ZNF705B: variants seen among roughly 807,000 people sequenced by gnomAD.
The protein encoded by ZNF705B is Putative zinc finger protein 705D-like protein LOC100132396.
Under a neutral mutation model 10.5 loss-of-function variants are expected in ZNF705B, and 1 was observed. The ratio of observed to expected loss-of-function variants is 0.10; its 90% CI spans 0.03 to 0.45. ZNF705B has a LOEUF of 0.45. ZNF705B is among the 20% of genes least tolerant of loss of function. The pLI is 0.97. For missense variants in ZNF705B, 14 were observed against 84.0 expected (o/e 0.17, Z 3.26); for synonymous variants, 4 against 25.4 (o/e 0.16, Z 2.53).
chr8:7,929,689 G>A (rs113569202), intron 1 of ZNF705B, among the ~76,000 whole-genome samples: 10,393 of 113,888 alleles, frequency 0.091, 1,553 homozygotes, highest in Middle Eastern at 0.23. Flanking sequence ...AATTGTTGTC[G>A]TTGTTGTTGT....
At chr8:7,940,654 G>A (rs2739920) in intron 2 of ZNF705B, among the ~76,000 whole-genome samples, 17 of 142,786 alleles carry the variant, frequency 1.2e-4, no homozygotes, top group South Asian at 2.3e-4. Context: ...TGAGTTTGTC[G>A]ATTTTAGATT....
At chr8:7,931,113 A>G (rs1405015083) in intron 2 of ZNF705B, among the ~76,000 whole-genome samples, 11 of 121,000 alleles carry the variant, frequency 9.1e-5, no homozygotes, top group African/African-American at 2.8e-4. Flanking sequence ...TCAGCCTTCC[A>G]AAGTGCTAGG....
At chr8:7,931,415 G>A (rs1441048527) in intron 2 of ZNF705B, among the ~76,000 whole-genome samples, 2 of 121,706 alleles carry the variant, frequency 1.6e-5, no homozygotes, top group South Asian at 5.5e-4. Context: ...GAGACACACA[G>A]GTACTTGATG....
chr8:7,930,437 G>T lies in ZNF705B; in HGVS notation c.-72+1G>T, dbSNP rs1460461276. 1.3e-5 allele frequency: 1 copy of T among 76,780 alleles called. No homozygotes were observed. The highest frequency in any genetic ancestry group is 3.4e-5 in the African/African-American group (1 of 29,666). The allele number at this position is 76,780 out of a possible 1,614,324, so 4.8% of individuals were successfully genotyped here. A position where few individuals can be genotyped will look rare whatever the true frequency, so the allele number is the denominator to read the frequency against. On this transcript the variant is annotated splice_donor_variant, in intron 2 of 6. Transcript: ENST00000400120. LOFTEE classifies it low-confidence loss of function (5UTR_SPLICE). ...GGATGTCTGATACAAACAGCCTCAG[G>T]TAAGCTACAAGTCCACCTGGAGGAT...
intron 2 of ZNF705B, chr8:7,934,680 TTGTGTGTGTGTCTGTGTGTGTGTGTG>T: frequency 9.5e-6 from 2 of 210,928 alleles, no homozygotes; most frequent in South Asian, 8.0e-5. Flanking sequence ...TTGTGTGGAT[TTGTGTGTGTGTCTGTGTGTGTGTGTG>T]TGTGTGTGTG....
intron 2 of ZNF705B, among the ~76,000 whole-genome samples, chr8:7,933,914 A>T (rs1396342135): frequency 1.2e-5 from 1 of 81,900 alleles, no homozygotes; most frequent in African/African-American, 3.2e-5. Context: ...ATCAAGTCAT[A>T]ACATGTAATA....
intron 1 of ZNF705B, among the ~76,000 whole-genome samples, chr8:7,929,795 C>T (rs1819791465): frequency 9.8e-6 from 1 of 102,034 alleles, no homozygotes; most frequent in Non-Finnish European, 2.4e-5. Context: ...TATTTTATTT[C>T]TGAAAGGCAT....
At chr8:7,929,200 T>G (rs1584995234) in intron 1 of ZNF705B, among the ~76,000 whole-genome samples, 1 of 122,006 alleles carries the variant, frequency 8.2e-6, no homozygotes, top group East Asian at 2.3e-4. Flanking sequence ...ATTTAATCCA[T>G]AGATGTGTGG....
rs1181777160 is a variant in ZNF705B at position 7,926,379 on chromosome 8, T to C, written c.-240T>C. ...CATACAGCACACAGCCTGTGGAGGG[T>C]GGAGGAACCAACTGCAAGGTGGGTT... On this transcript the variant is annotated 5_prime_UTR_variant, in exon 1 of 7. Transcript: ENST00000400120. 8.5e-6 allele frequency: 1 copy of C among 117,570 alleles called. No homozygotes were observed. Among genetic ancestry groups the C allele is most frequent in the African/African-American group, 2.6e-5 (1 of 38,374 alleles). The allele number at this position is 117,570 out of a possible 1,614,324, so 7.3% of individuals were successfully genotyped here.
At chr8:7,927,588 A>ATTT (rs11309300) in intron 1 of ZNF705B, among the ~76,000 whole-genome samples, 1 of 108,910 alleles carries the variant, frequency 9.2e-6, no homozygotes, top group Non-Finnish European at 2.2e-5. Flanking sequence ...TCTTCCTAAG[A>ATTT]TTTTTTTTTT....
chr8:7,935,407 T>C (rs1819984803), intron 2 of ZNF705B, among the ~76,000 whole-genome samples: 1 of 146,296 alleles, frequency 6.8e-6, no homozygotes, highest in Admixed American at 6.9e-5. Context: ...TCTGAGGTAC[T>C]GAGTTTGAAA....
At chr8:7,932,314 A>G (rs1297946121) in intron 2 of ZNF705B, among the ~76,000 whole-genome samples, 1 of 120,604 alleles carries the variant, frequency 8.3e-6, no homozygotes, top group Non-Finnish European at 2.0e-5. Context: ...TGCCTCAGAG[A>G]TTCCTCGTCA....
intron 2 of ZNF705B, among the ~76,000 whole-genome samples, chr8:7,937,648 A>G (rs1425448831): frequency 1.0e-4 from 12 of 119,762 alleles, no homozygotes; most frequent in African/African-American, 3.1e-4. Context: ...AACAAGTACT[A>G]GTGAGACAGG....
At chr8:7,936,723 G>A (rs528415647) in intron 2 of ZNF705B, among the ~76,000 whole-genome samples, 1 of 118,682 alleles carries the variant, frequency 8.4e-6, no homozygotes, top group African/African-American at 2.6e-5. Context: ...CTTACCAGGA[G>A]GGGAGGGAGA....
At chr8:7,931,585 G>T (rs1479832987) in intron 2 of ZNF705B, among the ~76,000 whole-genome samples, 2 of 122,230 alleles carry the variant, frequency 1.6e-5, no homozygotes, top group African/African-American at 5.0e-5. Context: ...ACGACCTTGG[G>T]TAGTGGTAGT....
intron 1 of ZNF705B, among the ~76,000 whole-genome samples, chr8:7,927,622 G>A (rs1309092482): frequency 1.9e-4 from 22 of 118,656 alleles, no homozygotes; most frequent in African/African-American, 5.3e-4. Flanking sequence ...ACAGTAGGAG[G>A]TTGACACTAT....
intron 1 of ZNF705B, among the ~76,000 whole-genome samples, chr8:7,928,115 G>T (rs1470234051): frequency 1.7e-5 from 2 of 117,682 alleles, no homozygotes; most frequent in African/African-American, 5.1e-5. Flanking sequence ...TGTCTGGAGA[G>T]AGCTCGTTCC....
At chr8:7,927,460 C>A (rs1392776839) in intron 1 of ZNF705B, among the ~76,000 whole-genome samples, 2 of 120,782 alleles carry the variant, frequency 1.7e-5, no homozygotes, top group Admixed American at 9.5e-5. Flanking sequence ...GCATAAATGT[C>A]TTTTTTTGAG....
intron 2 of ZNF705B, among the ~76,000 whole-genome samples, chr8:7,931,984 G>A (rs531307544): frequency 1.6e-5 from 2 of 121,324 alleles, no homozygotes; most frequent in East Asian, 2.4e-4. Context: ...TGGGCCCCAG[G>A]GCAGGATGTA....
Sources: gnomAD v4.1 joint callset for allele counts (sites outside exome capture counted in the v4.1 genomes callset) on GRCh38, gnomAD v4.1.1 for gene constraint, MANE v1.5 for transcripts, NCBI Gene and HGNC (gene_info 2026-07-23, HGNC 2026-07-21) for gene names.